The following TNPO3 variants were observed in gnomAD, a reference collection of about 807,000 sequenced individuals.
TNPO3 encodes the protein transportin 3.
Under a neutral mutation model 122.8 loss-of-function variants are expected in TNPO3, and 65 were observed. That is an observed-to-expected ratio of 0.53 (90% CI 0.43 to 0.65). The LOEUF (loss-of-function observed/expected upper bound fraction) is 0.65, where lower values mean the gene tolerates loss of function less well. Among genes scored for constraint, TNPO3 ranks in the 30% least tolerant of loss-of-function variants. TNPO3 has a pLI of 0.00. For synonymous variants in TNPO3, 372 were observed against 411.2 expected (o/e 0.90, Z 1.15); for missense variants, 850 against 1,136.7 (o/e 0.75, Z 3.63).
rs1799375399 is a variant in TNPO3 at position 128,979,096 on chromosome 7, T to A, written c.1948A>T (p.Asn650Tyr). 6.2e-7 allele frequency: 1 copy of A among 1,614,022 alleles called. No individual in the cohort carries two copies. The highest frequency in any genetic ancestry group is 8.5e-7 in the Non-Finnish European group (1 of 1,180,010). The change falls in exon 16 of 23, where the codon AAT becomes TAT. Residue 650 changes from asparagine to tyrosine, a missense_variant. By Grantham distance (143) the Asn-to-Tyr change is moderately radical. Coordinates refer to ENST00000265388, the MANE Select transcript of TNPO3 (RefSeq NM_012470.4). Reference sequence around the variant, plus strand: ...ATCCGATTATCAGCTCGGTGCTTATTTAGAGTCTCGGATAAAACTGGCCAT... The same window carrying A: ...ATCCGATTATCAGCTCGGTGCTTATATAGAGTCTCGGATAAAACTGGCCAT... ...EIWPVLSETL[N>Y]KHRADNRIVE...
chr7:129,008,301 G>C (rs1359965822), intron 4 of TNPO3, among the ~76,000 whole-genome samples: 2 of 151,996 alleles, frequency 1.3e-5, no homozygotes, highest in Admixed American at 6.6e-5. Flanking sequence ...AGGATCGCTT[G>C]AGCCCAGGAG....
At chr7:129,018,621 C>T (rs1179510308) in intron 1 of TNPO3, among the ~76,000 whole-genome samples, 1 of 152,206 alleles carries the variant, frequency 6.6e-6, no homozygotes, top group Non-Finnish European at 1.5e-5. Context: ...GAATATACTT[C>T]ATATTGGTCT....
At chr7:128,973,901 C>T (rs1244785662) in intron 18 of TNPO3, among the ~76,000 whole-genome samples, 1 of 149,754 alleles carries the variant, frequency 6.7e-6, no homozygotes, top group Non-Finnish European at 1.5e-5. Context: ...CTGCCAGGTA[C>T]GGTGGCTCAC....
chr7:129,038,598 G>A (rs1031282178), intron 1 of TNPO3, among the ~76,000 whole-genome samples: 1 of 152,106 alleles, frequency 6.6e-6, no homozygotes, highest in African/African-American at 2.4e-5. Flanking sequence ...CAACAACAGT[G>A]GACTGGATAA....
In TNPO3 at chr7:129,053,388, G is replaced by C. The variant is rs13221966; in HGVS notation, c.120+1263C>G. Among the ~76,000 whole-genome samples the C allele has an allele frequency of 1.2e-3, 179 of 150,116 alleles. 1 individual carries two copies. Among genetic ancestry groups the C allele is most frequent in the African/African-American group, 4.1e-3 (169 of 40,810 alleles). On this transcript the variant is annotated intron_variant, in intron 1 of 22. Coordinates refer to ENST00000265388, the MANE Select transcript of TNPO3 (RefSeq NM_012470.4). ...CAGGCACCTGTAATCCCAGCTACTC[G>C]GGAGGCTGAGGCAGGAGAATCTCTT...
intron 1 of TNPO3, among the ~76,000 whole-genome samples, chr7:129,023,442 C>T (rs908327936): frequency 1.3e-5 from 2 of 152,098 alleles, no homozygotes; most frequent in Non-Finnish European, 2.9e-5. Flanking sequence ...CTGTCCAACT[C>T]AGTAACAACT....
chr7:128,962,104 A>G (rs6948875), intron 21 of TNPO3, among the ~76,000 whole-genome samples: 73,864 of 151,576 alleles, frequency 0.49, 18,163 homozygotes, highest in African/African-American at 0.5. Context: ...GGTGGCTCAC[A>G]CCTGTAATCC....
chr7:128,987,726 A>G (rs1053390113), intron 11 of TNPO3, among the ~76,000 whole-genome samples: 1 of 152,100 alleles, frequency 6.6e-6, no homozygotes, highest in South Asian at 2.1e-4. Flanking sequence ...GACTACAGGC[A>G]TGCGTCAAGC....
At chr7:128,973,910 A>C (rs1004560390) in intron 18 of TNPO3, among the ~76,000 whole-genome samples, 1 of 151,814 alleles carries the variant, frequency 6.6e-6, no homozygotes, top group African/African-American at 2.4e-5. Flanking sequence ...ACGGTGGCTC[A>C]CGCCTGTAAT....
chr7:129,045,503 A>G (rs1380696196), intron 1 of TNPO3, among the ~76,000 whole-genome samples: 1 of 151,792 alleles, frequency 6.6e-6, no homozygotes, highest in Non-Finnish European at 1.5e-5. Flanking sequence ...CTCAGAAAAA[A>G]AAAAAACGTT....
chr7:128,985,375 A>T (rs1332952737), intron 12 of TNPO3, among the ~76,000 whole-genome samples: 1 of 152,186 alleles, frequency 6.6e-6, no homozygotes, highest in Non-Finnish European at 1.5e-5. Flanking sequence ...CAGGAGGATC[A>T]CTTGAAGCCA....
chr7:128,961,732 T>C (rs1281280341), intron 21 of TNPO3, among the ~76,000 whole-genome samples: 1 of 152,184 alleles, frequency 6.6e-6, no homozygotes, highest in African/African-American at 2.4e-5. Flanking sequence ...ATAAGATTAC[T>C]AGAGGAGTGC....
chr7:129,044,620 T>C (rs144814191), intron 1 of TNPO3, among the ~76,000 whole-genome samples: 1 of 152,354 alleles, frequency 6.6e-6, no homozygotes, highest in Admixed American at 6.5e-5. Flanking sequence ...ATAAGGTTTA[T>C]CTTAGAGGCT....
chr7:129,009,535 GC>G (rs1180913772), intron 4 of TNPO3, among the ~76,000 whole-genome samples: 1 of 152,130 alleles, frequency 6.6e-6, no homozygotes, highest in Non-Finnish European at 1.5e-5. Flanking sequence ...TTTTCAGACT[GC>G]ATCACAGTTC....
intron 1 of TNPO3, among the ~76,000 whole-genome samples, chr7:129,041,089 G>T (rs952804258): frequency 6.6e-6 from 1 of 152,162 alleles, no homozygotes; most frequent in South Asian, 2.1e-4. Flanking sequence ...ATCCAGCCAG[G>T]CATGGTGGCT....
intron 1 of TNPO3, among the ~76,000 whole-genome samples, chr7:129,051,510 ATT>A (rs1051790862): frequency 6.6e-6 from 1 of 151,414 alleles, no homozygotes; most frequent in African/African-American, 2.4e-5. Flanking sequence ...TAATTTTCCT[ATT>A]TTTTTGTAGA....
Position 128,990,193 on chromosome 7 carries a change from G to T in TNPO3, c.1359-93C>A, listed in dbSNP as rs775910697. ...TGTGACGACACACAGCATTGCTAAA[G>T]GGCTTCTTTCTAAACAACCATTAAG... is the stretch of plus-strand genomic sequence containing the variant. On this transcript the variant is annotated intron_variant, in intron 10 of 22. Transcript: ENST00000265388. 11 of 1,387,864 alleles carry T rather than the reference G, an allele frequency of 7.9e-6. No individual in the cohort carries two copies. In the Admixed American group the frequency reaches 1.8e-4, roughly 23 times the overall value. The allele number at this position is 1,387,864 out of a possible 1,614,324, so 86.0% of individuals were successfully genotyped here.
chr7:129,004,592 T>C (rs958870577), intron 5 of TNPO3, among the ~76,000 whole-genome samples: 3 of 152,224 alleles, frequency 2.0e-5, no homozygotes, highest in African/African-American at 7.2e-5. Context: ...TATCTTAATC[T>C]ATAATTGTCT....
rs745803058 is a variant in TNPO3, at chr7:128,991,992, C to A, written c.1358+7G>T. The A allele has an allele frequency of 7.6e-6, 12 of 1,577,606 alleles. No individual in the cohort carries two copies. The highest frequency in any genetic ancestry group is 1.0e-5 in the Non-Finnish European group (12 of 1,161,696). On this transcript the variant is annotated splice_region_variant and intron_variant, in intron 10 of 22. Coordinates refer to ENST00000265388, the MANE Select transcript of TNPO3 (RefSeq NM_012470.4). ...AGTTCCCAGCAAAAGACTTATGAGA[C>A]ACTCACGGATCAACACTCTTTGCTA...
Sources: allele counts gnomAD v4.1 joint callset (sites outside exome capture counted in the v4.1 genomes callset), GRCh38; gene constraint gnomAD v4.1.1; transcripts MANE v1.5; gene names NCBI Gene and HGNC (gene_info 2026-07-23, HGNC 2026-07-21).